The following SMAD1 variants were observed in gnomAD, a reference collection of about 807,000 sequenced individuals.
The protein encoded by SMAD1 is SMAD family member 1.
SMAD1 carries 6 observed loss-of-function variants against 41.6 expected under a neutral mutation model. That is an observed-to-expected ratio of 0.14 (90% CI 0.08 to 0.28). The LOEUF (loss-of-function observed/expected upper bound fraction) is 0.28. Among genes scored for constraint, SMAD1 ranks in the 10% least tolerant of loss-of-function variants. SMAD1 has a pLI of 1.00. For missense variants in SMAD1, 379 were observed against 582.6 expected, an observed-to-expected ratio of 0.65 and a Z score of 3.60; for synonymous variants, 206 against 203.2, an observed-to-expected ratio of 1.01 and a Z score of -0.12.
At chr4:145,546,585 A>G (rs1732264424) in intron 4 of SMAD1, 118 bp from the exon 5 acceptor site, 1 of 738,356 alleles carries the variant, frequency 1.4e-6, no homozygotes, top group Admixed American at 1.9e-5. Context: ...ACATTATAAT[A>G]GCAATTGCTT....
chr4:145,520,967 T>A (rs949130573), intron 2 of SMAD1, among the ~76,000 whole-genome samples: 2 of 152,234 alleles, frequency 1.3e-5, no homozygotes, highest in African/African-American at 4.8e-5. Flanking sequence ...CTTCCTTTTG[T>A]TGAAATTTGC....
chr4:145,528,532 G>A lies in SMAD1; in HGVS notation c.401-11272G>A, dbSNP rs1049686355. Among the ~76,000 whole-genome samples the A allele has an allele frequency of 5.3e-5, 8 of 152,164 alleles. No individual in the cohort carries two copies. The South Asian group carries it at 1.5e-3, about 28-fold the overall frequency. ...GCCAGGATTACAGGCGTGAGCTACC[G>A]CGCCTGACCATAATGTTCTTTATTA... is the stretch of plus-strand genomic sequence containing the variant. On this transcript the variant is annotated intron_variant, in intron 2 of 6. Coordinates refer to ENST00000302085, the MANE Select transcript of SMAD1 (RefSeq NM_005900.3).
chr4:145,500,208 T>C (rs954361661), intron 1 of SMAD1, among the ~76,000 whole-genome samples: 2 of 152,172 alleles, frequency 1.3e-5, no homozygotes, highest in African/African-American at 4.8e-5. Flanking sequence ...TCCTTCAGTA[T>C]GTTCTCAACC....
chr4:145,523,554 ATATAC>A (rs1392044811), intron 2 of SMAD1, among the ~76,000 whole-genome samples: 1 of 152,212 alleles, frequency 6.6e-6, no homozygotes, highest in Non-Finnish European at 1.5e-5. Flanking sequence ...TATAATACAA[ATATAC>A]TATGTATATT....
intron 1 of SMAD1, among the ~76,000 whole-genome samples, chr4:145,512,447 A>G (rs1302106531): frequency 6.6e-6 from 1 of 152,000 alleles, no homozygotes; most frequent in Non-Finnish European, 1.5e-5. Context: ...CTCTCTTTGC[A>G]TTAGTATGAG....
intron 1 of SMAD1, among the ~76,000 whole-genome samples, chr4:145,488,169 T>C (rs1360762035): frequency 6.6e-6 from 1 of 152,118 alleles, no homozygotes; most frequent in Admixed American, 6.5e-5. Context: ...ATTGGTTTCT[T>C]AACAAATATT....
intron 1 of SMAD1, among the ~76,000 whole-genome samples, chr4:145,488,934 G>A (rs1418194702): frequency 6.6e-6 from 1 of 152,182 alleles, no homozygotes; most frequent in Non-Finnish European, 1.5e-5. Context: ...GGCCTGGAAG[G>A]ACATGTGAGT....
intron 2 of SMAD1, among the ~76,000 whole-genome samples, chr4:145,526,637 T>C (rs2043779): frequency 0.17 from 25,818 of 152,114 alleles, 5,048 homozygotes; most frequent in African/African-American, 0.47. Context: ...AAGTGAATTA[T>C]AAACCACTGG....
chr4:145,493,668 G>A (rs1023625132), intron 1 of SMAD1, among the ~76,000 whole-genome samples: 3 of 152,132 alleles, frequency 2.0e-5, no homozygotes, highest in Non-Finnish European at 2.9e-5. Flanking sequence ...TCTAGAAAAG[G>A]CTCCTTTAAA....
At chr4:145,529,222 A>T (rs554851982) in intron 2 of SMAD1, among the ~76,000 whole-genome samples, 1 of 151,324 alleles carries the variant, frequency 6.6e-6, no homozygotes. Flanking sequence ...TTTTGAAGGT[A>T]TTTTTTTTTC....
intron 1 of SMAD1, among the ~76,000 whole-genome samples, chr4:145,492,914 T>A (rs896987330): frequency 1.3e-5 from 2 of 152,232 alleles, no homozygotes; most frequent in African/African-American, 4.8e-5. Flanking sequence ...CTGCTGGTTA[T>A]TGGTAGGATC....
intron 2 of SMAD1, among the ~76,000 whole-genome samples, chr4:145,521,798 G>A (rs769094652): frequency 6.6e-6 from 1 of 151,354 alleles, no homozygotes. Flanking sequence ...GTAATATTCT[G>A]TGATAGTCTG....
At chr4:145,537,118 T>G (rs1731656330) in intron 2 of SMAD1, among the ~76,000 whole-genome samples, 1 of 152,182 alleles carries the variant, frequency 6.6e-6, no homozygotes, top group Non-Finnish European at 1.5e-5. Context: ...GTACAATATG[T>G]GATTCTACCT....
chr4:145,548,564 C>T (rs1732383301), intron 5 of SMAD1, among the ~76,000 whole-genome samples: 2 of 152,062 alleles, frequency 1.3e-5, no homozygotes, highest in African/African-American at 4.8e-5. Flanking sequence ...CATTGAAAAA[C>T]AATACAAATT....
chr4:145,556,662 T>C (rs1007073087), intron 6 of SMAD1, among the ~76,000 whole-genome samples: 3 of 152,046 alleles, frequency 2.0e-5, no homozygotes, highest in African/African-American at 7.2e-5. Context: ...TTTTGCCATG[T>C]TGTCCAGGCT....
chr4:145,550,875 A>G (rs1300595590), intron 5 of SMAD1, among the ~76,000 whole-genome samples: 2 of 152,212 alleles, frequency 1.3e-5, no homozygotes, highest in African/African-American at 2.4e-5. Context: ...TGAGAGAAAG[A>G]AAATTTGAAT....
At chr4:145,515,707 C>T (rs1730344548) in intron 2 of SMAD1, among the ~76,000 whole-genome samples, 1 of 152,130 alleles carries the variant, frequency 6.6e-6, no homozygotes, top group South Asian at 2.1e-4. Flanking sequence ...TTAGAATCTA[C>T]ATTCTAGAGA....
chr4:145,554,191 A>G (rs1403572804), intron 6 of SMAD1, 151 bp downstream of exon 6: 3 of 721,054 alleles, frequency 4.2e-6, no homozygotes, highest in East Asian at 2.7e-5. Flanking sequence ...AACTTTAACA[A>G]AAATTTCAAT....
intron 2 of SMAD1, 149 bp downstream of exon 2, chr4:145,515,162 G>C (rs936962057): frequency 1.4e-6 from 1 of 721,138 alleles, no homozygotes; most frequent in Admixed American, 2.8e-5. Context: ...GTGTGTGTGT[G>C]TGTGTGTGTG....
Sources: gnomAD v4.1 joint callset for allele counts (sites outside exome capture counted in the v4.1 genomes callset) on GRCh38, gnomAD v4.1.1 for gene constraint, MANE v1.5 for transcripts, NCBI Gene and HGNC (gene_info 2026-07-23, HGNC 2026-07-21) for gene names.